The following DAB1 variants were observed in gnomAD, a reference collection of about 807,000 sequenced individuals.
The protein encoded by DAB1 is DAB adaptor protein 1, also known as disabled homolog 1.
DAB1 carries 15 observed loss-of-function variants against 64.6 expected under a neutral mutation model. That is an observed-to-expected ratio of 0.23 (90% CI 0.16 to 0.36). The LOEUF (loss-of-function observed/expected upper bound fraction) is 0.36. Among genes scored for constraint, DAB1 ranks in the 10% least tolerant of loss-of-function variants. The pLI is 1.00. For missense variants in DAB1, 596 were observed against 706.7 expected (o/e 0.84, Z 1.78); for synonymous variants, 235 against 251.9 (o/e 0.93, Z 0.64).
At chr1:57,824,911 A>G (rs1213118687), downstream of DAB1, among the ~76,000 whole-genome samples, 1 of 152,202 alleles carries the variant, frequency 6.6e-6, no homozygotes, top group African/African-American at 2.4e-5. Flanking sequence ...AAAGACATGA[A>G]TGATCCCAAA....
intron 1 of DAB1, among the ~76,000 whole-genome samples, chr1:57,841,649 C>T (rs886190421): frequency 1.3e-5 from 2 of 152,208 alleles, no homozygotes; most frequent in African/African-American, 4.8e-5. Context: ...TACCTTGGCC[C>T]CTTTTAGCCA....
At chr1:58,422,342 C>A (rs1290770411) in intron 3 of DAB1, among the ~76,000 whole-genome samples, 1 of 151,786 alleles carries the variant, frequency 6.6e-6, no homozygotes, top group Non-Finnish European at 1.5e-5. Context: ...TATTTAACAT[C>A]CAGCTGCGGG....
chr1:57,679,930 T>A (rs943507382), intron 6 of DAB1, among the ~76,000 whole-genome samples: 1 of 152,216 alleles, frequency 6.6e-6, no homozygotes, highest in Admixed American at 6.5e-5. Flanking sequence ...ACTTTGTTCA[T>A]ATAATGTAAA....
intron 1 of DAB1, among the ~76,000 whole-genome samples, chr1:57,841,702 G>A (rs1338996769): frequency 3.3e-5 from 5 of 152,230 alleles, no homozygotes; most frequent in South Asian, 2.1e-4. Flanking sequence ...GCCACATCTC[G>A]AGGCTGCATG....
intron 5 of DAB1, among the ~76,000 whole-genome samples, chr1:58,066,524 T>C (rs1648863964): frequency 6.6e-6 from 1 of 152,210 alleles, no homozygotes; most frequent in Admixed American, 6.5e-5. Context: ...AAGTGCTTTG[T>C]TTATATTAAT....
chr1:58,478,585 G>T (rs951092812), intron 3 of DAB1, among the ~76,000 whole-genome samples: 6 of 152,120 alleles, frequency 3.9e-5, no homozygotes, highest in Non-Finnish European at 1.5e-5. Flanking sequence ...TACAGAAGCA[G>T]ATTTTACAGA....
chr1:57,109,111 G>A (rs1235523819), intron 4 of DAB1, among the ~76,000 whole-genome samples: 1 of 152,160 alleles, frequency 6.6e-6, no homozygotes. Context: ...CTTTCTGATG[G>A]ACTGAAATTT....
At chr1:58,127,684 C>G (rs1307656947) in intron 5 of DAB1, among the ~76,000 whole-genome samples, 1 of 152,170 alleles carries the variant, frequency 6.6e-6, no homozygotes, top group Non-Finnish European at 1.5e-5. Context: ...ATATGGCTAG[C>G]CAGTTTTCCC....
chr1:58,110,131 A>C (rs1651888304), intron 5 of DAB1, among the ~76,000 whole-genome samples: 1 of 152,242 alleles, frequency 6.6e-6, no homozygotes, highest in Non-Finnish European at 1.5e-5. Context: ...CAGAATATTA[A>C]GACACAGAGT....
chr1:57,958,613 C>A (rs1384984668), intron 5 of DAB1, among the ~76,000 whole-genome samples: 2 of 152,158 alleles, frequency 1.3e-5, no homozygotes, highest in Non-Finnish European at 2.9e-5. Flanking sequence ...GTGAAAGCTG[C>A]CATAAACAAA....
At chr1:58,137,552 T>A (rs895592833) in intron 5 of DAB1, among the ~76,000 whole-genome samples, 2 of 152,124 alleles carry the variant, frequency 1.3e-5, no homozygotes, top group African/African-American at 4.8e-5. Flanking sequence ...GGTCTATCCA[T>A]CCATCCACCT....
intron 2 of DAB1, among the ~76,000 whole-genome samples, chr1:57,169,020 C>A (rs771928989): frequency 5.3e-5 from 8 of 152,066 alleles, no homozygotes; most frequent in Non-Finnish European, 1.0e-4. Context: ...CATGCCACTG[C>A]ACTCCAGCCT....
intron 4 of DAB1, among the ~76,000 whole-genome samples, chr1:58,306,575 G>A (rs1287695566): frequency 1.3e-5 from 2 of 152,068 alleles, no homozygotes; most frequent in Non-Finnish European, 2.9e-5. Context: ...TCTGCCGCAG[G>A]GTTTCTCCAG....
intron 5 of DAB1, among the ~76,000 whole-genome samples, chr1:57,927,128 A>C (rs978221899): frequency 6.6e-6 from 1 of 152,172 alleles, no homozygotes; most frequent in African/African-American, 2.4e-5. Context: ...CCACCTTATG[A>C]CCACAAATGA....
At chr1:57,694,945 TA>T (rs757355712) in intron 6 of DAB1, among the ~76,000 whole-genome samples, 2 of 151,954 alleles carry the variant, frequency 1.3e-5, no homozygotes, top group Non-Finnish European at 2.9e-5. Context: ...TATCATATCT[TA>T]AAAAAAATCC....
chr1:57,682,357 GA>G (rs1293389293), intron 6 of DAB1, among the ~76,000 whole-genome samples: 4 of 149,580 alleles, frequency 2.7e-5, no homozygotes, highest in African/African-American at 9.9e-5. Flanking sequence ...ATAAATTGAA[GA>G]AAAAAGCAGA....
At chr1:57,755,911 C>T (rs547075929) in intron 6 of DAB1, among the ~76,000 whole-genome samples, 1 of 152,262 alleles carries the variant, frequency 6.6e-6, no homozygotes, top group East Asian at 1.9e-4. Flanking sequence ...ATAGGCCTTA[C>T]TTAAAACAAA....
intron 1 of DAB1, among the ~76,000 whole-genome samples, chr1:57,410,514 A>G (rs1025003577): frequency 5.9e-5 from 9 of 152,230 alleles, no homozygotes; most frequent in Admixed American, 5.9e-4. Context: ...AAAGGCAGGC[A>G]GAGGCAGGTG....
intron 1 of DAB1, among the ~76,000 whole-genome samples, chr1:57,353,114 TACACACACACACACAC>T (rs10572319): frequency 6.9e-5 from 10 of 145,636 alleles, no homozygotes; most frequent in Middle Eastern, 3.4e-3. Context: ...TTTTTTTCCA[TACACACACACACACAC>T]ACACACACAC....
Sources: gnomAD v4.1 joint callset for allele counts (sites outside exome capture counted in the v4.1 genomes callset) on GRCh38, gnomAD v4.1.1 for gene constraint, MANE v1.5 for transcripts, NCBI Gene and HGNC (gene_info 2026-07-23, HGNC 2026-07-21) for gene names.